Variants in ZNF616 observed in about 807,000 individuals in gnomAD.
ZNF616 encodes the protein zinc finger protein 616.
ZNF616 carries 5 observed loss-of-function variants against 7.6 expected under a neutral mutation model. The ratio of observed to expected loss-of-function variants is 0.66; its 90% CI spans 0.34 to 1.38. The LOEUF is 1.38. Ranked by LOEUF, ZNF616 falls within the 40% of genes most tolerant of loss-of-function variation. ZNF616 has a pLI of 0.04. For missense variants in ZNF616, 913 were observed against 948.3 expected (o/e 0.96, Z 0.49); for synonymous variants, 319 against 317.2 (o/e 1.01, Z -0.06).
rs984784838 is a variant in ZNF616 at position 52,124,493 on chromosome 19, C to T, written c.13-444G>A. ...CACTCCCCACGTGCTGGGCATTATT[C>T]CAAATGCTTTACATGTTCTAATTCA... On this transcript the variant is annotated intron_variant, in intron 2 of 3. Transcript: ENST00000600228. 5.9e-5 allele frequency among the ~76,000 whole-genome samples: 9 copies of T among 152,282 alleles called. 1 individual carries two copies. Among genetic ancestry groups the T allele is most frequent in the East Asian group, 1.9e-4 (1 of 5,174 alleles).
intron 1 of ZNF616, among the ~76,000 whole-genome samples, chr19:52,131,012 T>C (rs1167846644): frequency 6.6e-6 from 1 of 152,182 alleles, no homozygotes; most frequent in East Asian, 1.9e-4. Flanking sequence ...CTCATGCCTG[T>C]AATCCCAGCA....
chr19:52,114,704 C>T lies in ZNF616; in HGVS notation c.*114G>A. 2.4e-6 allele frequency: 3 copies of T among 1,263,396 alleles called. No individual in the cohort carries two copies. Among genetic ancestry groups the T allele is most frequent in the Non-Finnish European group, 2.2e-6 (2 of 924,468 alleles). The allele number at this position is 1,263,396 out of a possible 1,614,324, so 78.3% of individuals were successfully genotyped here. A position where few individuals can be genotyped will look rare whatever the true frequency, so the allele number is the denominator to read the frequency against. ...TGATTCAATCACCTCCCAATGGGCCCCACCTCCAATACTGGAGATTACAAT... is the reference window on the plus strand; with the variant it reads ...TGATTCAATCACCTCCCAATGGGCCTCACCTCCAATACTGGAGATTACAAT... On this transcript the variant is annotated 3_prime_UTR_variant, in exon 4 of 4. Coordinates refer to ENST00000600228, the MANE Select transcript of ZNF616 (RefSeq NM_178523.5).
chr19:52,130,437 C>T, intron 2 of ZNF616, 64 bp downstream of exon 2: 1 of 1,458,234 alleles, frequency 6.9e-7, no homozygotes, highest in South Asian at 1.1e-5. Context: ...CTGTACTTCA[C>T]AAAGGAAGGA....
At chr19:52,132,524 T>C (rs2088969091) in intron 1 of ZNF616, among the ~76,000 whole-genome samples, 1 of 152,154 alleles carries the variant, frequency 6.6e-6, no homozygotes, top group Admixed American at 6.6e-5. Flanking sequence ...GGTGGATTTG[T>C]GATGAATGGT....
Position 52,115,049 on chromosome 19 carries a change from T to C in ZNF616, c.2115A>G (p.Val705=). 2 of 1,614,194 alleles carry C rather than the reference T, an allele frequency of 1.2e-6. No homozygotes were observed. The highest frequency in any genetic ancestry group is 8.5e-7 in the Non-Finnish European group (1 of 1,180,016). ...CTCCAGTGTGGATTCTCTGGTGACT[T>C]ACAAGATGTGAACTATGCCTGAATA... ...GKVFRHSSHL[V]SHQRIHTGEK... The change falls in exon 4 of 4, where the codon GTA becomes GTG. Residue 705 remains valine, a synonymous_variant. Coordinates refer to ENST00000600228, the MANE Select transcript of ZNF616 (RefSeq NM_178523.5).
Position 52,139,512 on chromosome 19 carries a change from C to T in ZNF616, c.-77+220G>A, listed in dbSNP as rs2089040452. Among the ~76,000 whole-genome samples, 1 of 152,052 alleles carries T rather than the reference C, an allele frequency of 6.6e-6. No individual in the cohort carries two copies. The highest frequency in any genetic ancestry group is 2.4e-5 in the African/African-American group (1 of 41,432). On this transcript the variant is annotated intron_variant, in intron 1 of 3. Transcript: ENST00000600228. The surrounding 1 kb of genome is among the most constrained non-coding windows in gnomAD (Gnocchi z 4.1). The stretch of plus-strand genomic sequence containing the variant: ...GCAGCGGGCGCTCCCCTCCAGGCGT[C>T]GACAAGGGCGAAGCTCGGGGGTCTC...
rs2088822420 is a variant in ZNF616, at chr19:52,116,275, A to T, written c.889T>A (p.Tyr297Asn). Residue 297 changes from tyrosine (Y) to asparagine (N), a missense_variant, in exon 4 of 4, where the codon TAC (tyrosine) becomes AAC (asparagine). Tyr to Asn is a moderately radical substitution (Grantham distance 143). Transcript: ENST00000600228. ...GATTTCCCACACAGATTACATTTGTAAGGTTTTTCACCGGTATGAATTCTC... is the reference window on the plus strand; with the variant it reads ...GATTTCCCACACAGATTACATTTGTTAGGTTTTTCACCGGTATGAATTCTC... ...HQRIHTGEKP[Y>N]KCNLCGKSFS... The T allele has an allele frequency of 6.2e-7, 1 of 1,614,158 alleles. No individual in the cohort carries two copies. Among genetic ancestry groups the T allele is most frequent in the Non-Finnish European group, 8.5e-7 (1 of 1,180,028 alleles).
In ZNF616 at chr19:52,115,417, C is replaced by T. The variant is rs200761496; in HGVS notation, c.1747G>A (p.Gly583Ser). Residue 583 changes from glycine (G) to serine (S), a missense_variant, in exon 4 of 4, where the codon GGC becomes AGC. By Grantham distance (56) the Gly-to-Ser change is moderately conservative. Coordinates refer to ENST00000600228, the MANE Select transcript of ZNF616 (RefSeq NM_178523.5). ...TGTGAATACTGACTGTAGACCTTGC[C>T]GCATTCATTGCATTTGTAAGGTTTC... ...GEKPYKCNEC[G>S]KVYSQYSHLV... 4.0e-5 allele frequency: 65 copies of T among 1,613,902 alleles called. No individual in the cohort carries two copies. Among genetic ancestry groups the T allele is most frequent in the African/African-American group, 4.0e-5 (3 of 74,828 alleles).
In ZNF616 at chr19:52,115,746, A is replaced by G; in HGVS notation, c.1418T>C (p.Val473Ala). The change falls in exon 4 of 4, where the codon GTT (valine) becomes GCT (alanine). Residue 473 changes from valine to alanine, a missense_variant. Coordinates refer to ENST00000600228, the MANE Select transcript of ZNF616 (RefSeq NM_178523.5). The part of the protein sequence containing the change: ...KAYKCNECGK[V>A]FSIHSRLAAH... ...TGCAAGTCGTGAATGTATGCTGAAAACTTTGCCACATTCATTGCATTTATA... is the reference window on the plus strand; with the variant it reads ...TGCAAGTCGTGAATGTATGCTGAAAGCTTTGCCACATTCATTGCATTTATA... 1 of 1,613,790 alleles carries G rather than the reference A, an allele frequency of 6.2e-7. No homozygotes were observed. Among genetic ancestry groups the G allele is most frequent in the Non-Finnish European group, 8.5e-7 (1 of 1,179,946 alleles).
intron 3 of ZNF616, among the ~76,000 whole-genome samples, chr19:52,117,529 C>T (rs2088835904): frequency 6.6e-6 from 1 of 152,024 alleles, no homozygotes; most frequent in Non-Finnish European, 1.5e-5. Flanking sequence ...CATGATAAAA[C>T]CAGCAGGTAA....
At chr19:52,137,053 G>GTGTGTATATATATATATATATA (rs958896902) in intron 1 of ZNF616, among the ~76,000 whole-genome samples, 1 of 143,714 alleles carries the variant, frequency 7.0e-6, no homozygotes, top group African/African-American at 2.6e-5. Context: ...TTATGTATGT[G>GTGTGTATATATATATATATATA]TATATATATA....
At chr19:52,136,955 A>G (rs2089014520) in intron 1 of ZNF616, among the ~76,000 whole-genome samples, 1 of 151,742 alleles carries the variant, frequency 6.6e-6, no homozygotes, top group African/African-American at 2.4e-5. Flanking sequence ...TGATCACTGC[A>G]GTATTATTCA....
chr19:52,117,045 G>T (rs1284209722), intron 3 of ZNF616, 21 bp from the exon 4 acceptor site: 1 of 1,523,690 alleles, frequency 6.6e-7, no homozygotes, highest in Non-Finnish European at 8.7e-7. Context: ...TAATGAACAT[G>T]AGTTTTTTTT....
Position 52,116,407 on chromosome 19 carries a change from T to A in ZNF616, c.757A>T (p.Asn253Tyr). Residue 253 changes from asparagine (N) to tyrosine (Y), a missense_variant, in exon 4 of 4, where the codon AAT (asparagine) becomes TAT (tyrosine). Physicochemically the swap from Asn to Tyr is moderately radical, Grantham distance 143. Transcript: ENST00000600228. ...CDVCGKIFRK[N>Y]SYFVRHQRSH... ...CTTTGGTGTCTTACAAAATATGAAT[T>A]TTTTCTGAAGATCTTGCCACATACA... The A allele has an allele frequency of 2.5e-6, 4 of 1,614,108 alleles. No homozygotes were observed. The highest frequency in any genetic ancestry group is 2.5e-6 in the Non-Finnish European group (3 of 1,180,002).
intron 3 of ZNF616, among the ~76,000 whole-genome samples, chr19:52,120,873 C>T (rs980502415): frequency 2.6e-5 from 4 of 152,072 alleles, no homozygotes; most frequent in Admixed American, 2.0e-4. Context: ...AAGACTTCAA[C>T]GGACCACTTT....
chr19:52,132,401 GGTGA>G (rs1320680102), intron 1 of ZNF616, among the ~76,000 whole-genome samples: 1 of 152,116 alleles, frequency 6.6e-6, no homozygotes. Flanking sequence ...GAGACGTGTA[GGTGA>G]GTAGGTGGGT....
At chr19:52,119,975 G>A (rs1475389394) in intron 3 of ZNF616, among the ~76,000 whole-genome samples, 1 of 152,122 alleles carries the variant, frequency 6.6e-6, no homozygotes, top group Non-Finnish European at 1.5e-5. Flanking sequence ...GGAGATGGAT[G>A]AATTTATTTT....
At chr19:52,118,477 G>T (rs1440631430) in intron 3 of ZNF616, among the ~76,000 whole-genome samples, 1 of 152,204 alleles carries the variant, frequency 6.6e-6, no homozygotes, top group Non-Finnish European at 1.5e-5. Flanking sequence ...GTATTTGGAG[G>T]TGTGGTCTTT....
At chr19:52,123,437 C>G (rs1320205399) in intron 3 of ZNF616, among the ~76,000 whole-genome samples, 1 of 151,934 alleles carries the variant, frequency 6.6e-6, no homozygotes, top group East Asian at 1.9e-4. Context: ...ATTCCTTGAG[C>G]CCATGAGTTC....
Sources: allele counts gnomAD v4.1 joint callset (sites outside exome capture counted in the v4.1 genomes callset), GRCh38; gene constraint gnomAD v4.1.1; non-coding constraint Gnocchi (gnomAD v3.1); transcripts MANE v1.5; gene names NCBI Gene and HGNC (gene_info 2026-07-23, HGNC 2026-07-21).